Variants in FAM171A1 observed in about 807,000 individuals in gnomAD.
FAM171A1 encodes the protein protein FAM171A1.
In FAM171A1, 23 loss-of-function variants were observed where a neutral mutation model predicts 74.9. The observed-to-expected ratio is 0.31, with a 90% CI of 0.22 to 0.44. FAM171A1 has a LOEUF of 0.44. Ranked by LOEUF, FAM171A1 falls within the 20% of genes least tolerant of loss-of-function variation. The pLI, the probability that FAM171A1 is intolerant of heterozygous loss-of-function variation, is 1.00. For missense variants in FAM171A1, 1,162 were observed against 1,159.2 expected, an observed-to-expected ratio of 1.00 and a Z score of -0.03; for synonymous variants, 527 against 505.7, an observed-to-expected ratio of 1.04 and a Z score of -0.57.
chr10:15,319,752 T>C (rs7080750), intron 1 of FAM171A1, among the ~76,000 whole-genome samples: 1 of 151,958 alleles, frequency 6.6e-6, no homozygotes, highest in Non-Finnish European at 1.5e-5. Context: ...ATTTTGAACC[T>C]AGACCTTCTC....
intron 1 of FAM171A1, among the ~76,000 whole-genome samples, chr10:15,362,845 C>T (rs1428135903): frequency 6.6e-6 from 1 of 152,208 alleles, no homozygotes; most frequent in African/African-American, 2.4e-5. Context: ...TAAAAACTAC[C>T]ATCTAGATGT....
At chr10:15,265,623 C>CT (rs1273646979) in intron 3 of FAM171A1, among the ~76,000 whole-genome samples, 4 of 129,554 alleles carry the variant, frequency 3.1e-5, no homozygotes, top group Non-Finnish European at 4.7e-5. Flanking sequence ...AGTAAGTAGT[C>CT]TATGTAGGAA....
At chr10:15,301,303 G>C (rs911714569) in intron 1 of FAM171A1, among the ~76,000 whole-genome samples, 2 of 151,638 alleles carry the variant, frequency 1.3e-5, no homozygotes, top group African/African-American at 4.8e-5. Flanking sequence ...CTCTCGAGTA[G>C]CTGGGATTAC....
At chr10:15,248,314 C>G (rs1377605827) in intron 5 of FAM171A1, among the ~76,000 whole-genome samples, 1 of 151,510 alleles carries the variant, frequency 6.6e-6, no homozygotes. Flanking sequence ...CCAAGAGCAA[C>G]CATATGACCT....
At chr10:15,351,916 G>A (rs570483216) in intron 1 of FAM171A1, among the ~76,000 whole-genome samples, 30 of 152,084 alleles carry the variant, frequency 2.0e-4, no homozygotes, top group Middle Eastern at 3.4e-3. Context: ...GGCCAGGTGC[G>A]GTGGCTCATG....
At chr10:15,300,521 TC>T (rs1394846641) in intron 1 of FAM171A1, among the ~76,000 whole-genome samples, 1 of 152,016 alleles carries the variant, frequency 6.6e-6, no homozygotes, top group Non-Finnish European at 1.5e-5. Flanking sequence ...CTGCAAGCAT[TC>T]CACTAACTTT....
In FAM171A1 at chr10:15,319,725, G is replaced by A. The variant is rs552214511; in HGVS notation, c.98-35620C>T. 1.4e-4 allele frequency among the ~76,000 whole-genome samples: 21 copies of A among 152,222 alleles called. No homozygotes were observed. The South Asian group carries it at 2.7e-3, about 20-fold the overall frequency. ...TGGGATTACAGGCATGAGCCACCCC[G>A]CCTGGTCTGTCCAGGGATTTTGAAC... On this transcript the variant is annotated intron_variant, in intron 1 of 7. Transcript: ENST00000378116.
intron 1 of FAM171A1, among the ~76,000 whole-genome samples, chr10:15,366,270 C>T (rs1836061067): frequency 6.6e-6 from 1 of 152,094 alleles, no homozygotes. Flanking sequence ...CAGGCGCCCG[C>T]CACCATGCTT....
chr10:15,240,101 G>A (rs897548694), intron 5 of FAM171A1, among the ~76,000 whole-genome samples: 1 of 152,232 alleles, frequency 6.6e-6, no homozygotes, highest in African/African-American at 2.4e-5. Context: ...GCTCATGCCT[G>A]TAATCCCAGC....
At chr10:15,262,058 TGA>T (rs1834664622) in intron 3 of FAM171A1, among the ~76,000 whole-genome samples, 2 of 152,062 alleles carry the variant, frequency 1.3e-5, no homozygotes, top group South Asian at 4.2e-4. Flanking sequence ...GAGGCTACGG[TGA>T]GTTATGATTG....
At chr10:15,257,618 T>G (rs968720536) in intron 3 of FAM171A1, among the ~76,000 whole-genome samples, 1 of 152,082 alleles carries the variant, frequency 6.6e-6, no homozygotes, top group Non-Finnish European at 1.5e-5. Flanking sequence ...TAGCAGGCTA[T>G]GTGGGGGCAG....
chr10:15,274,140 C>A (rs1248907939), intron 3 of FAM171A1, among the ~76,000 whole-genome samples: 1 of 152,190 alleles, frequency 6.6e-6, no homozygotes, highest in Non-Finnish European at 1.5e-5. Flanking sequence ...AAAACCCCAT[C>A]GTCTCAGCCC....
chr10:15,360,933 T>G (rs561542537), intron 1 of FAM171A1, among the ~76,000 whole-genome samples: 2 of 152,328 alleles, frequency 1.3e-5, no homozygotes, highest in East Asian at 3.9e-4. Flanking sequence ...TTCCCATGGA[T>G]TAAAATAAAA....
At chr10:15,341,605 T>C (rs1835765061) in intron 1 of FAM171A1, among the ~76,000 whole-genome samples, 1 of 152,184 alleles carries the variant, frequency 6.6e-6, no homozygotes, top group Non-Finnish European at 1.5e-5. Context: ...ATTAATTCAA[T>C]CTGCCTTCAA....
chr10:15,337,155 A>G (rs1835710868), intron 1 of FAM171A1, among the ~76,000 whole-genome samples: 1 of 152,036 alleles, frequency 6.6e-6, no homozygotes, highest in African/African-American at 2.4e-5. Flanking sequence ...TGTCAGGATT[A>G]CATGTGTGAG....
chr10:15,311,447 G>A (rs1405995714), intron 1 of FAM171A1, among the ~76,000 whole-genome samples: 1 of 152,162 alleles, frequency 6.6e-6, no homozygotes, highest in Non-Finnish European at 1.5e-5. Flanking sequence ...GCTCCACTCT[G>A]TAGGAAGTAA....
rs1833916897 is a variant in FAM171A1 at position 15,213,249 on chromosome 10, G to A, written c.2339C>T (p.Pro780Leu). The change falls in exon 8 of 8, where the codon CCA (proline) becomes CTA (leucine). Residue 780 changes from proline (P) to leucine (L), a missense_variant. Physicochemically the swap from Pro to Leu is moderately conservative, Grantham distance 98. Transcript: ENST00000378116. This position sits in a 1 kb window ranked among gnomAD's most constrained non-coding sequence, Gnocchi z 6.8. ...GAGCTGCGTGTAGGCCGTGCTGTCT[G>A]GGGCTCGAGGCTCTTTCTGCTGGTG... ...QEHQQKEPRA[P>L]DSTAYTQLVY... 6.2e-7 allele frequency: 1 copy of A among 1,614,108 alleles called. No homozygotes were observed. The highest frequency in any genetic ancestry group is 8.5e-7 in the Non-Finnish European group (1 of 1,180,036).
chr10:15,287,334 T>C (rs1010901245), intron 1 of FAM171A1, among the ~76,000 whole-genome samples: 2 of 151,454 alleles, frequency 1.3e-5, no homozygotes, highest in Non-Finnish European at 2.9e-5. Context: ...CCACGTGATC[T>C]GCCCACCTCA....
chr10:15,284,121 GCA>G lies in FAM171A1; in HGVS notation c.98-18_98-17del. The G allele has an allele frequency of 1.9e-6, 3 of 1,610,330 alleles. No homozygotes were observed. Among genetic ancestry groups the G allele is most frequent in the Non-Finnish European group, 1.7e-6 (2 of 1,178,688 alleles). ...AACGTCACCTCTGGAGGTAGAGAAA[GCA>G]CAAAGAACAGCTACTGTCAATGGGA... On this transcript the variant is annotated splice_polypyrimidine_tract_variant and intron_variant, in intron 1 of 7. Transcript: ENST00000378116.
Sources: gnomAD v4.1 joint callset for allele counts (sites outside exome capture counted in the v4.1 genomes callset) on GRCh38, gnomAD v4.1.1 for gene constraint, Gnocchi (gnomAD v3.1) non-coding constraint, MANE v1.5 for transcripts, NCBI Gene and HGNC (gene_info 2026-07-23, HGNC 2026-07-21) for gene names.